The following FIG4 variants were observed in gnomAD, a reference collection of about 807,000 sequenced individuals.
FIG4 encodes polyphosphoinositide phosphatase.
FIG4 carries 112 observed loss-of-function variants against 118.6 expected under a neutral mutation model. The observed-to-expected ratio is 0.94, with a 90% CI of 0.81 to 1.11. The LOEUF is 1.11. Among genes scored for constraint, FIG4 ranks in the 50% least tolerant of loss-of-function variants. The pLI is 0.00. For synonymous variants in FIG4, 369 were observed against 381.2 expected, an observed-to-expected ratio of 0.97 and a Z score of 0.37; for missense variants, 969 against 1,111.7, an observed-to-expected ratio of 0.87 and a Z score of 1.83.
intron 22 of FIG4, among the ~76,000 whole-genome samples, chr6:109,805,759 T>A (rs186092900): frequency 6.6e-6 from 1 of 152,340 alleles, no homozygotes; most frequent in Admixed American, 6.5e-5. Context: ...TCATGCTTTT[T>A]AAGCATTGTA....
At chr6:109,808,350 C>CAA (rs55948419) in intron 22 of FIG4, among the ~76,000 whole-genome samples, 2,396 of 65,876 alleles carry the variant, frequency 0.036, 10 homozygotes, top group Non-Finnish European at 0.042. Flanking sequence ...ACACTCACAG[C>CAA]AAAAAAAAAA....
intron 4 of FIG4, among the ~76,000 whole-genome samples, chr6:109,730,978 CAA>C (rs1411456226): frequency 1.3e-5 from 2 of 151,856 alleles, no homozygotes; most frequent in East Asian, 3.9e-4. Flanking sequence ...TAACATATAA[CAA>C]TGATTATTAT....
chr6:109,796,406 T>C (rs1778288605), intron 21 of FIG4, among the ~76,000 whole-genome samples: 1 of 152,204 alleles, frequency 6.6e-6, no homozygotes, highest in Non-Finnish European at 1.5e-5. Context: ...TTCCACGCAT[T>C]AGATATTTGT....
chr6:109,715,153 G>A lies in FIG4; in HGVS notation c.142G>A (p.Asp48Asn). The A allele has an allele frequency of 6.2e-7, 1 of 1,602,252 alleles. No individual in the cohort carries two copies. Among genetic ancestry groups the A allele is most frequent in the Non-Finnish European group, 8.5e-7 (1 of 1,169,902 alleles). ...GAAGATTGATAGAACAGAACCAAAAGATTTGGTCATAATTGATGACAGGGT... is the reference window on the plus strand; with the variant it reads ...GAAGATTGATAGAACAGAACCAAAAAATTTGGTCATAATTGATGACAGGGT... ...VLKIDRTEPK[D>N]LVIIDDRHVY... Residue 48 changes from aspartate (D) to asparagine (N), a missense_variant, in exon 2 of 23, where the codon GAT becomes AAT. Around this residue, in one of 3 missense-constraint regions of FIG4, gnomAD observed 393 missense variants for 409.4 expected, o/e 0.96. Transcript: ENST00000230124.
rs1387706751 is a variant in FIG4, at chr6:109,752,823, T to G, written c.1138-7427T>G. 2.0e-5 allele frequency among the ~76,000 whole-genome samples: 3 copies of G among 152,332 alleles called. No homozygotes were observed. The East Asian group carries it at 5.8e-4, about 29-fold the overall frequency. ...ACTCTGATGGTAGTTTCTTTTGCTG[T>G]GCAGAAGCTCTTTAGTTTAATTAGA... On this transcript the variant is annotated intron_variant, in intron 10 of 22. Coordinates refer to ENST00000230124, the MANE Select transcript of FIG4 (RefSeq NM_014845.6).
intron 10 of FIG4, among the ~76,000 whole-genome samples, chr6:109,747,473 A>G (rs1031004865): frequency 3.3e-5 from 5 of 152,128 alleles, no homozygotes; most frequent in African/African-American, 9.7e-5. Flanking sequence ...CAACAGCATC[A>G]AATGCTGAGG....
chr6:109,765,014 C>T lies in FIG4; in HGVS notation c.1436C>T (p.Thr479Ile). ...GCVIPTGRLQ[T>I]GILRTNCVDC... ...AAATCTTAAGGTATTTCTCTTTAGA[C>T]TGGCATCCTTCGAACCAACTGTGTG... The change falls in exon 14 of 23, where the codon ACT becomes ATT. Residue 479 changes from threonine (T) to isoleucine (I), a missense_variant and splice_region_variant. Physicochemically the swap from Thr to Ile is moderately conservative, Grantham distance 89 (BLOSUM62 -1). Transcript: ENST00000230124. 2 of 1,613,470 alleles carry T rather than the reference C, an allele frequency of 1.2e-6. No individual in the cohort carries two copies. The highest frequency in any genetic ancestry group is 1.7e-6 in the Non-Finnish European group (2 of 1,179,424).
chr6:109,766,697 G>A (rs1477755781), intron 14 of FIG4, 32 bp from the exon 15 acceptor site: 2 of 1,600,622 alleles, frequency 1.2e-6, no homozygotes, highest in Admixed American at 1.7e-5. Flanking sequence ...TGATTTTGGT[G>A]AAATTCTTTA....
chr6:109,691,704 C>T (rs913908905), intron 1 of FIG4, among the ~76,000 whole-genome samples: 4 of 152,190 alleles, frequency 2.6e-5, no homozygotes, highest in African/African-American at 9.6e-5. Flanking sequence ...CTGGACATTG[C>T]AGCATTTGCA....
chr6:109,790,953 C>A, intron 19 of FIG4, among the ~76,000 whole-genome samples: 1 of 152,124 alleles, frequency 6.6e-6, no homozygotes, highest in East Asian at 1.9e-4. Flanking sequence ...AATTTATAGG[C>A]GGGAGAGAAA....
intron 15 of FIG4, among the ~76,000 whole-genome samples, chr6:109,772,694 C>T (rs1329165657): frequency 6.6e-6 from 1 of 152,104 alleles, no homozygotes; most frequent in Non-Finnish European, 1.5e-5. Flanking sequence ...CTCAGGTGAT[C>T]TGCCCGCCTC....
intron 1 of FIG4, among the ~76,000 whole-genome samples, chr6:109,694,127 T>C (rs1159699695): frequency 6.6e-6 from 1 of 152,160 alleles, no homozygotes; most frequent in African/African-American, 2.4e-5. Flanking sequence ...ACTATATATA[T>C]TATTTAGTAA....
intron 1 of FIG4, among the ~76,000 whole-genome samples, chr6:109,707,959 T>G (rs187155597): frequency 1.2e-3 from 190 of 152,146 alleles, no homozygotes; most frequent in Middle Eastern, 6.8e-3. Context: ...TATATTTTTC[T>G]ACATTTTGAT....
rs192169516 is a variant in FIG4, at chr6:109,778,755, T to C, written c.1889+1695T>C. 5.2e-3 allele frequency among the ~76,000 whole-genome samples: 798 copies of C among 152,154 alleles called. 21 individuals carry two copies. Among genetic ancestry groups the C allele is most frequent in the Admixed American group, 0.039 (590 of 15,292 alleles). On this transcript the variant is annotated intron_variant, in intron 16 of 22. Transcript: ENST00000230124. ...CTGGGACTATGGGTGCCCACCACCA[T>C]GCCCAGCTAATTTTTTTGTATTTTT...
intron 14 of FIG4, 83 bp downstream of exon 14, chr6:109,765,244 T>A: frequency 8.6e-7 from 1 of 1,156,286 alleles, no homozygotes; most frequent in Admixed American, 1.8e-5. Context: ...TATGAAAGCG[T>A]TTCTACTTTT....
chr6:109,711,124 G>T (rs1775245872), intron 1 of FIG4, among the ~76,000 whole-genome samples: 1 of 152,150 alleles, frequency 6.6e-6, no homozygotes, highest in Non-Finnish European at 1.5e-5. Context: ...TTATGGCCAG[G>T]TGTGGTGGCT....
At position 109,786,330 on chromosome 6, in the gene FIG4, G is replaced by A. The variant is rs746756109; in HGVS notation, c.1977G>A (p.Leu659=). The A allele has an allele frequency of 1.2e-6, 2 of 1,613,378 alleles. No individual in the cohort carries two copies. The highest frequency in any genetic ancestry group is 2.2e-5 in the South Asian group (2 of 91,062). ...TCTGTGCTGTGAACTTAAAGAAGTT[G>A]ATAGTGAAGAAATTCCACAAATATG... is the stretch of plus-strand genomic sequence containing the variant. ...EVICAVNLKK[L]IVKKFHKYEE... The change falls in exon 18 of 23, where the codon TTG becomes TTA. Residue 659 remains leucine, a synonymous_variant. Coordinates refer to ENST00000230124, the MANE Select transcript of FIG4 (RefSeq NM_014845.6).
intron 19 of FIG4, among the ~76,000 whole-genome samples, 163 bp downstream of exon 19, chr6:109,789,840 T>C (rs1223659065): frequency 6.6e-6 from 1 of 152,204 alleles, no homozygotes; most frequent in African/African-American, 2.4e-5. Flanking sequence ...TATGGGAGTT[T>C]CAGCAATACA....
intron 10 of FIG4, among the ~76,000 whole-genome samples, chr6:109,752,470 T>C (rs866496737): frequency 6.6e-6 from 1 of 151,954 alleles, no homozygotes; most frequent in African/African-American, 2.4e-5. Context: ...GTAAAAGTGT[T>C]CCTATTTCTC....
Sources: allele counts gnomAD v4.1 joint callset (sites outside exome capture counted in the v4.1 genomes callset), GRCh38; gene constraint gnomAD v4.1.1; regional missense constraint gnomAD v4.1.1; transcripts MANE v1.5; gene names NCBI Gene and HGNC (gene_info 2026-07-23, HGNC 2026-07-21).